The following SDK2 variants were observed in gnomAD, a reference collection of about 807,000 sequenced individuals.
SDK2 encodes protein sidekick-2.
Under a neutral mutation model 253.9 loss-of-function variants are expected in SDK2, and 105 were observed. The ratio of observed to expected loss-of-function variants is 0.41; its 90% CI spans 0.35 to 0.49. The LOEUF is 0.49. Ranked by LOEUF, SDK2 falls within the 20% of genes least tolerant of loss-of-function variation. The pLI is 0.06. For synonymous variants in SDK2, 1,249 were observed against 1,234.9 expected, an observed-to-expected ratio of 1.01 and a Z score of -0.24; for missense variants, 2,608 against 3,003.0, an observed-to-expected ratio of 0.87 and a Z score of 3.07.
chr17:73,355,671 T>C (rs1215249501), intron 40 of SDK2, among the ~76,000 whole-genome samples: 1 of 152,118 alleles, frequency 6.6e-6, no homozygotes, highest in East Asian at 1.9e-4. Flanking sequence ...TATCTCTCTT[T>C]CTCTCTTTCC....
chr17:73,602,998 T>C (rs1405039935), intron 1 of SDK2, among the ~76,000 whole-genome samples: 3 of 152,144 alleles, frequency 2.0e-5, no homozygotes, highest in African/African-American at 7.2e-5. Flanking sequence ...GTGTTGGGAT[T>C]ATAGGCATGA....
At chr17:73,418,602 CT>C (rs2145577219) in intron 16 of SDK2, among the ~76,000 whole-genome samples, 1 of 152,294 alleles carries the variant, frequency 6.6e-6, no homozygotes, top group South Asian at 2.1e-4. Flanking sequence ...AATGAGAGTT[CT>C]CAGTAACCTC....
intron 2 of SDK2, among the ~76,000 whole-genome samples, chr17:73,491,486 C>T (rs934473089): frequency 2.6e-5 from 4 of 152,068 alleles, no homozygotes; most frequent in Non-Finnish European, 4.4e-5. Context: ...GATCCTCCCA[C>T]CTCAACCTCT....
At chr17:73,393,772 G>A in intron 26 of SDK2, 23 bp from the exon 27 acceptor site, 2 of 1,524,486 alleles carry the variant, frequency 1.3e-6, no homozygotes, top group South Asian at 1.3e-5. Flanking sequence ...AGCACAGGGT[G>A]AGGGCCTCAG....
intron 1 of SDK2, among the ~76,000 whole-genome samples, chr17:73,564,992 T>C (rs2045291986): frequency 6.6e-6 from 1 of 152,230 alleles, no homozygotes; most frequent in African/African-American, 2.4e-5. Context: ...AGGCTGACAC[T>C]AGAGGGAAGT....
At chr17:73,354,494 G>A (rs576455613) in intron 40 of SDK2, among the ~76,000 whole-genome samples, 1 of 152,332 alleles carries the variant, frequency 6.6e-6, no homozygotes, top group African/African-American at 2.4e-5. Context: ...GGGGCTGATG[G>A]GGTCAGCCTG....
At position 73,438,013 on chromosome 17, in the gene SDK2, G is replaced by T. The variant is rs545101904; in HGVS notation, c.867C>A (p.Arg289=). ...GGACAACAGAGGGGACGCTGCTGCT[G>T]CGCAGGACAGCCTCACACTCGTAGT... is the stretch of plus-strand genomic sequence containing the variant. ...AGYYECEAVL[R]SSSVPSVVRG... Residue 289 remains arginine (R), a synonymous_variant, in exon 7 of 45, where the codon CGC becomes CGA. Transcript: ENST00000392650. 78 of 1,551,516 alleles carry T rather than the reference G, an allele frequency of 5.0e-5. No homozygotes were observed. In the South Asian group the frequency reaches 8.9e-4, roughly 18 times the overall value.
intron 2 of SDK2, among the ~76,000 whole-genome samples, chr17:73,482,111 C>T (rs1001545921): frequency 1.3e-5 from 2 of 152,112 alleles, no homozygotes; most frequent in Non-Finnish European, 1.5e-5. Context: ...CCCACCTCTA[C>T]TACCAATACA....
chr17:73,596,589 C>T (rs1862450962), intron 1 of SDK2, among the ~76,000 whole-genome samples: 2 of 152,206 alleles, frequency 1.3e-5, no homozygotes, highest in African/African-American at 4.8e-5. Context: ...GTATCTGTTT[C>T]CCGCAGTGAC....
Position 73,398,302 on chromosome 17 carries a change from C to A in SDK2, c.3203+18G>T. 2 of 1,612,512 alleles carry A rather than the reference C, an allele frequency of 1.2e-6. No homozygotes were observed. The highest frequency in any genetic ancestry group is 2.2e-5 in the South Asian group (2 of 90,954). ...CAGCCCTGAGGCTGCTGCCTTCTCCCCGGGCCAGTCTCATTACCTGTAGCA... is the reference window on the plus strand; with the variant it reads ...CAGCCCTGAGGCTGCTGCCTTCTCCACGGGCCAGTCTCATTACCTGTAGCA... On this transcript the variant is annotated intron_variant, in intron 23 of 44. Coordinates refer to ENST00000392650, the MANE Select transcript of SDK2 (RefSeq NM_001144952.2).
In SDK2 at chr17:73,352,364, G is replaced by A. The variant is rs2062546096; in HGVS notation, c.5758+109C>T. 9.6e-6 allele frequency: 13 copies of A among 1,350,496 alleles called. No individual in the cohort carries two copies. The South Asian group carries it at 1.3e-4, about 13-fold the overall frequency. The allele number at this position is 1,350,496 out of a possible 1,614,324, so 83.7% of individuals were successfully genotyped here. On this transcript the variant is annotated intron_variant, in intron 41 of 44. Transcript: ENST00000392650. The surrounding 1 kb of genome is among the most constrained non-coding windows in gnomAD (Gnocchi z 4.1). ...GAGGGGACAATGTGTTTTTGTTCCC[G>A]CCCCATGCTCCTGGTGCCCTGGTGC...
chr17:73,605,551 A>G lies in SDK2; in HGVS notation c.64+38474T>C, dbSNP rs149426557. Among the ~76,000 whole-genome samples, 8 of 152,008 alleles carry G rather than the reference A, an allele frequency of 5.3e-5. 1 individual carries two copies. In the East Asian group the frequency reaches 1.6e-3, roughly 30 times the overall value. On this transcript the variant is annotated intron_variant, in intron 1 of 44. Transcript: ENST00000392650. ...GAGGGTGGGAGAGATGGTAATAATG[A>G]CCCATAACTCCTGTGTCAGATTTTC...
chr17:73,505,499 C>G (rs932080987), intron 2 of SDK2, among the ~76,000 whole-genome samples: 9 of 150,844 alleles, frequency 6.0e-5, no homozygotes, highest in African/African-American at 1.7e-4. Context: ...CATCATCATC[C>G]TCAATAGCTG....
At chr17:73,468,028 A>G (rs1238154227) in intron 3 of SDK2, among the ~76,000 whole-genome samples, 1 of 152,120 alleles carries the variant, frequency 6.6e-6, no homozygotes, top group Non-Finnish European at 1.5e-5. Context: ...GAACGCAGCA[A>G]CATCCATGGT....
At chr17:73,474,300 C>G (rs1012378438) in intron 2 of SDK2, among the ~76,000 whole-genome samples, 6 of 152,218 alleles carry the variant, frequency 3.9e-5, no homozygotes, top group African/African-American at 1.4e-4. Context: ...CCTACTAGCA[C>G]CTTCTTTCTA....
chr17:73,529,929 T>C (rs1318749600), intron 1 of SDK2, among the ~76,000 whole-genome samples: 1 of 152,192 alleles, frequency 6.6e-6, no homozygotes, highest in African/African-American at 2.4e-5. Context: ...CACATAGAGT[T>C]GTTAACACGG....
Position 73,636,702 on chromosome 17 carries a change from A to AAAAAG in SDK2, c.64+7318_64+7322dup, listed in dbSNP as rs1330274102. Among the ~76,000 whole-genome samples the AAAAAG allele has an allele frequency of 1.9e-3, 194 of 99,950 alleles. 1 individual carries two copies. Among genetic ancestry groups the AAAAAG allele is most frequent in the South Asian group, 9.8e-3 (29 of 2,974 alleles). 65.6% of individuals were successfully genotyped at this position (99,950 alleles called of 152,430 possible). ...TCTCAAAAAAAAAAAAAAAAAAAAA[A>AAAAAG]AAAAGAAAAGAAAAGAAAAGAAAAA... On this transcript the variant is annotated intron_variant, in intron 1 of 44. Coordinates refer to ENST00000392650, the MANE Select transcript of SDK2 (RefSeq NM_001144952.2).
intron 16 of SDK2, 52 bp from the exon 17 acceptor site, chr17:73,416,044 C>T (rs2063179112): frequency 4.6e-6 from 7 of 1,522,678 alleles, no homozygotes; most frequent in South Asian, 1.2e-5. Flanking sequence ...TCCTTGGCCT[C>T]GTACCCAGGA....
At chr17:73,432,944 G>A (rs962174350) in intron 10 of SDK2, among the ~76,000 whole-genome samples, 6 of 152,096 alleles carry the variant, frequency 3.9e-5, no homozygotes, top group African/African-American at 1.2e-4. Context: ...AAGCACACAG[G>A]GCAGATGGCC....
Sources: allele counts gnomAD v4.1 joint callset (sites outside exome capture counted in the v4.1 genomes callset), GRCh38; gene constraint gnomAD v4.1.1; non-coding constraint Gnocchi (gnomAD v3.1); transcripts MANE v1.5; gene names NCBI Gene and HGNC (gene_info 2026-07-23, HGNC 2026-07-21).